The following ZFYVE1 variants were observed in gnomAD, a reference collection of about 807,000 sequenced individuals.
ZFYVE1 encodes zinc finger FYVE domain-containing protein 1.
ZFYVE1 carries 30 observed loss-of-function variants against 74.4 expected under a neutral mutation model. That is an observed-to-expected ratio of 0.40 (90% CI 0.30 to 0.55). The LOEUF is 0.55. Ranked by LOEUF, ZFYVE1 falls within the 20% of genes least tolerant of loss-of-function variation. The probability of loss-of-function intolerance (pLI) is 0.42; values close to 1 mark genes in which losing one functional copy is unlikely to be tolerated. For missense variants in ZFYVE1, 703 were observed against 1,011.6 expected (o/e 0.69, Z 4.14); for synonymous variants, 335 against 385.1 (o/e 0.87, Z 1.52).
intron 4 of ZFYVE1, among the ~76,000 whole-genome samples, chr14:72,988,826 G>A (rs1356166166): frequency 8.4e-5 from 12 of 142,456 alleles, no homozygotes; most frequent in Admixed American, 2.8e-4. Context: ...AAAAAAAAGT[G>A]AAAATAAACC....
Position 73,026,553 on chromosome 14 carries a change from G to T in ZFYVE1, c.-435+373C>A, listed in dbSNP as rs1894465445. The stretch of plus-strand genomic sequence containing the variant: ...CAAAAATCAAACTTGTCACAATTGA[G>T]AAAAATATAAAATCAACCTTCAAAA... On this transcript the variant is annotated intron_variant, in intron 1 of 11. Coordinates refer to ENST00000556143, the MANE Select transcript of ZFYVE1 (RefSeq NM_021260.4). Among the ~76,000 whole-genome samples the T allele has an allele frequency of 2.0e-5, 3 of 152,078 alleles. No homozygotes were observed. The South Asian group carries it at 6.2e-4, about 32-fold the overall frequency.
chr14:73,021,706 C>A (rs1226770098), intron 2 of ZFYVE1, among the ~76,000 whole-genome samples: 2 of 151,958 alleles, frequency 1.3e-5, no homozygotes, highest in African/African-American at 4.8e-5. Flanking sequence ...TTTCCTAGGA[C>A]GTGGTTAATG....
At chr14:72,988,820 A>T (rs1253951647) in intron 4 of ZFYVE1, among the ~76,000 whole-genome samples, 1 of 151,754 alleles carries the variant, frequency 6.6e-6, no homozygotes, top group Admixed American at 6.6e-5. Context: ...AAAAAAAAAA[A>T]AAAGTGAAAA....
intron 2 of ZFYVE1, among the ~76,000 whole-genome samples, chr14:73,000,055 T>C (rs560044872): frequency 6.6e-6 from 1 of 152,050 alleles, no homozygotes; most frequent in African/African-American, 2.4e-5. Context: ...CAAGAACCTG[T>C]CTCAAAAAAT....
At chr14:73,007,526 C>T (rs1196483122) in intron 2 of ZFYVE1, among the ~76,000 whole-genome samples, 1 of 152,146 alleles carries the variant, frequency 6.6e-6, no homozygotes, top group Non-Finnish European at 1.5e-5. Context: ...TACTGGCGTG[C>T]ACCACCATAG....
At chr14:73,021,837 T>C (rs1894325850) in intron 2 of ZFYVE1, among the ~76,000 whole-genome samples, 2 of 152,198 alleles carry the variant, frequency 1.3e-5, no homozygotes, top group Admixed American at 1.3e-4. Context: ...ATTTATCTTC[T>C]TCATTACACT....
rs948632631 is a variant in ZFYVE1 at position 72,970,314 on chromosome 14, C to T, written c.*568G>A. 1.1e-4 allele frequency: 19 copies of T among 165,866 alleles called. No individual in the cohort carries two copies. Among genetic ancestry groups the T allele is most frequent in the Admixed American group, 2.2e-4 (4 of 18,294 alleles). The allele number at this position is 165,866 out of a possible 1,614,324, so 10.3% of individuals were successfully genotyped here. The stretch of plus-strand genomic sequence containing the variant: ...AATTGGGACTCGACTCCCAGGAGAC[C>T]TAGGGAGAATTCCCTTCAGGCTGTT... On this transcript the variant is annotated 3_prime_UTR_variant, in exon 12 of 12. Transcript: ENST00000556143.
intron 5 of ZFYVE1, among the ~76,000 whole-genome samples, chr14:72,980,068 T>G (rs1414398210): frequency 6.6e-6 from 1 of 152,082 alleles, no homozygotes. Context: ...TCATGGGGCA[T>G]GCAAAAAGGA....
chr14:73,006,109 C>T (rs1262628699), intron 2 of ZFYVE1, among the ~76,000 whole-genome samples: 7 of 151,780 alleles, frequency 4.6e-5, no homozygotes, highest in South Asian at 4.2e-4. Flanking sequence ...TTAGTGGAGA[C>T]GGGGTTTCAC....
rs1893010841 is a variant in ZFYVE1 at position 72,970,755 on chromosome 14, G to A, written c.*127C>T. 2 of 1,041,488 alleles carry A rather than the reference G, an allele frequency of 1.9e-6. No individual in the cohort carries two copies. Among genetic ancestry groups the A allele is most frequent in the African/African-American group, 3.2e-5 (2 of 62,392 alleles). The allele number at this position is 1,041,488 out of a possible 1,614,324, so 64.5% of individuals were successfully genotyped here. A position where few individuals can be genotyped will look rare whatever the true frequency, so the allele number is the denominator to read the frequency against. ...AGGCTCACCCCCACTGAGGGAAAGT[G>A]GCCCTGGATGCGGAGAGGAGAGGAC... On this transcript the variant is annotated 3_prime_UTR_variant, in exon 12 of 12. Coordinates refer to ENST00000556143, the MANE Select transcript of ZFYVE1 (RefSeq NM_021260.4).
chr14:72,993,185 G>T lies in ZFYVE1; in HGVS notation c.1161C>A (p.Thr387=), dbSNP rs1567353397. The change falls in exon 4 of 12, where the codon ACC becomes ACA. Residue 387 remains threonine (T), a synonymous_variant. Transcript: ENST00000556143. ...ALEQLLENNT[T]RSPRHPGVIF... ...TGACTCCCGGGTGCCGGGGAGAACG[G>T]GTGGTGTTATTCTCTAGTAGCTGCT... 5 of 1,613,346 alleles carry T rather than the reference G, an allele frequency of 3.1e-6. No homozygotes were observed. The highest frequency in any genetic ancestry group is 1.7e-4 in the Middle Eastern group (1 of 5,974).
intron 4 of ZFYVE1, among the ~76,000 whole-genome samples, chr14:72,987,602 A>G (rs1022153626): frequency 5.3e-5 from 8 of 152,198 alleles, no homozygotes; most frequent in Non-Finnish European, 1.0e-4. Context: ...TACAAATTCA[A>G]CTATGAAATG....
At chr14:73,013,527 G>C (rs1473413346) in intron 2 of ZFYVE1, among the ~76,000 whole-genome samples, 3 of 151,778 alleles carry the variant, frequency 2.0e-5, no homozygotes, top group Non-Finnish European at 2.9e-5. Context: ...TGAATCGCTT[G>C]AACCCAGGTT....
chr14:72,977,352 G>T (rs992965851), intron 8 of ZFYVE1, among the ~76,000 whole-genome samples: 6 of 151,978 alleles, frequency 3.9e-5, no homozygotes, highest in African/African-American at 1.5e-4. Flanking sequence ...ATTGCAGTGA[G>T]CCAAGAGAGC....
At position 72,993,319 on chromosome 14, in the gene ZFYVE1, G is replaced by A. The variant is rs755325201; in HGVS notation, c.1027C>T (p.Arg343Trp). Residue 343 changes from arginine (R) to tryptophan (W), a missense_variant, in exon 4 of 12, where the codon CGG becomes TGG. Physicochemically the swap from Arg to Trp is moderately radical, Grantham distance 101 (BLOSUM62 -3). Transcript: ENST00000556143. ...GGGAAACGGCCCAGCTTCCGGAACC[G>A]GTCCTGGATGAGCTTCTCTGGCACC... Reference protein sequence around the residue: ...SEVPEKLIQDRFRKLGRFPEA... With the variant: ...SEVPEKLIQDWFRKLGRFPEA... The A allele has an allele frequency of 7.4e-6, 12 of 1,613,138 alleles. No homozygotes were observed. Among genetic ancestry groups the A allele is most frequent in the East Asian group, 2.2e-5 (1 of 44,812 alleles).
chr14:72,975,016 A>G lies in ZFYVE1; in HGVS notation c.1807-57T>C. On this transcript the variant is annotated intron_variant, in intron 9 of 11. Coordinates refer to ENST00000556143, the MANE Select transcript of ZFYVE1 (RefSeq NM_021260.4). The surrounding 1 kb of genome is among the most constrained non-coding windows in gnomAD (Gnocchi z 4.1). Reference sequence around the variant, plus strand: ...AGGTAGGTATGGTACATGTCTGCTCAGCTGAGAAAGTCAACAAGACCCCGG... The same window carrying G: ...AGGTAGGTATGGTACATGTCTGCTCGGCTGAGAAAGTCAACAAGACCCCGG... The G allele has an allele frequency of 1.3e-6, 2 of 1,524,614 alleles. No homozygotes were observed. The highest frequency in any genetic ancestry group is 2.6e-5 in the South Asian group (2 of 78,388). The allele number at this position is 1,524,614 out of a possible 1,614,324, so 94.4% of individuals were successfully genotyped here.
At chr14:73,025,113 A>G (rs1168758566) in intron 1 of ZFYVE1, among the ~76,000 whole-genome samples, 171 bp from the exon 2 acceptor site, 1 of 150,624 alleles carries the variant, frequency 6.6e-6, no homozygotes, top group Non-Finnish European at 1.5e-5. Flanking sequence ...TTGCTGCCCA[A>G]GCTGGAGTGC....
chr14:72,981,977 G>C, intron 4 of ZFYVE1, 82 bp from the exon 5 acceptor site: 1 of 1,143,574 alleles, frequency 8.7e-7, no homozygotes, highest in Non-Finnish European at 1.3e-6. Flanking sequence ...CACCGTACAA[G>C]CAACACAGGC....
Position 72,975,473 on chromosome 14 carries a change from C to T in ZFYVE1, c.1806+78G>A. On this transcript the variant is annotated intron_variant, in intron 9 of 11. Coordinates refer to ENST00000556143, the MANE Select transcript of ZFYVE1 (RefSeq NM_021260.4). This position sits in a 1 kb window ranked among gnomAD's most constrained non-coding sequence, Gnocchi z 4.1. Reference sequence around the variant, plus strand: ...AAATGTTTGCGTCTCCCTCACAGAACAAGCTTAGCACAGGGCAAAGCGGCA... The same window carrying T: ...AAATGTTTGCGTCTCCCTCACAGAATAAGCTTAGCACAGGGCAAAGCGGCA... 1 of 1,501,016 alleles carries T rather than the reference C, an allele frequency of 6.7e-7. No individual in the cohort carries two copies. The highest frequency in any genetic ancestry group is 1.4e-5 in the South Asian group (1 of 73,812). 93.0% of individuals were successfully genotyped at this position (1,501,016 alleles called of 1,614,324 possible). A position where few individuals can be genotyped will look rare whatever the true frequency, so the allele number is the denominator to read the frequency against.
Sources: gnomAD v4.1 joint callset for allele counts (sites outside exome capture counted in the v4.1 genomes callset) on GRCh38, gnomAD v4.1.1 for gene constraint, Gnocchi (gnomAD v3.1) non-coding constraint, MANE v1.5 for transcripts, NCBI Gene and HGNC (gene_info 2026-07-23, HGNC 2026-07-21) for gene names.